The following VAPA variants were observed in gnomAD, a reference collection of about 807,000 sequenced individuals.
VAPA encodes the protein VAMP associated protein A.
Under a neutral mutation model 25.6 loss-of-function variants are expected in VAPA, and 6 were observed. That is an observed-to-expected ratio of 0.23 (90% CI 0.13 to 0.46). The LOEUF (loss-of-function observed/expected upper bound fraction) is 0.46, where lower values mean the gene tolerates loss of function less well. Among genes scored for constraint, VAPA ranks in the 20% least tolerant of loss-of-function variants. The pLI is 0.99. For synonymous variants in VAPA, 112 were observed against 106.2 expected, an observed-to-expected ratio of 1.05 and a Z score of -0.34; for missense variants, 244 against 302.1, an observed-to-expected ratio of 0.81 and a Z score of 1.43.
intron 5 of VAPA, among the ~76,000 whole-genome samples, chr18:9,952,669 C>G (rs951986912): frequency 6.6e-6 from 1 of 152,066 alleles, no homozygotes; most frequent in East Asian, 1.9e-4. Flanking sequence ...CTTTCTTGCT[C>G]CTGTCTGTTC....
At chr18:9,916,122 C>G (rs1346456519) in intron 1 of VAPA, among the ~76,000 whole-genome samples, 2 of 152,102 alleles carry the variant, frequency 1.3e-5, no homozygotes, top group African/African-American at 4.8e-5. Flanking sequence ...GAAATGTCCA[C>G]AGAGTTTGAA....
At chr18:9,936,742 GAAGA>G in intron 3 of VAPA, 1 of 293,898 alleles carries the variant, frequency 3.4e-6, no homozygotes, top group Non-Finnish European at 6.0e-6. Flanking sequence ...GAAATGCTAA[GAAGA>G]AAGTCCTATG....
chr18:9,939,013 AAG>A (rs937500368), intron 4 of VAPA, among the ~76,000 whole-genome samples: 15 of 152,160 alleles, frequency 9.9e-5, no homozygotes, highest in Admixed American at 9.8e-4. Context: ...AAAGAGATAA[AAG>A]AGTTTTAATG....
Position 9,954,506 on chromosome 18 carries a change from TAA to T in VAPA, c.*296_*297del, listed in dbSNP as rs1373232788. On this transcript the variant is annotated 3_prime_UTR_variant, in exon 6 of 6. Coordinates refer to ENST00000400000, the MANE Select transcript of VAPA (RefSeq NM_194434.3). The stretch of plus-strand genomic sequence containing the variant: ...AATTGTTCTTTCTTTGTGGTTTTAA[TAA>T]GAGTTCAAGAATTGTTCAGAGTCTT... 1.1e-4 allele frequency: 28 copies of T among 264,268 alleles called. No homozygotes were observed. Among genetic ancestry groups the T allele is most frequent in the Non-Finnish European group, 1.8e-4 (26 of 142,586 alleles). The allele number at this position is 264,268 out of a possible 1,614,324, so 16.4% of individuals were successfully genotyped here. A position where few individuals can be genotyped will look rare whatever the true frequency, so the allele number is the denominator to read the frequency against.
At chr18:9,946,875 A>G (rs1282770280) in intron 4 of VAPA, among the ~76,000 whole-genome samples, 1 of 152,244 alleles carries the variant, frequency 6.6e-6, no homozygotes, top group Non-Finnish European at 1.5e-5. Context: ...GCACAAGCAC[A>G]GTGTATAGAT....
At chr18:9,946,258 C>A (rs536919347) in intron 4 of VAPA, among the ~76,000 whole-genome samples, 1 of 152,138 alleles carries the variant, frequency 6.6e-6, no homozygotes, top group African/African-American at 2.4e-5. Context: ...AGTGTACTTA[C>A]AAAAACCTAT....
chr18:9,940,753 C>G (rs2069359056), intron 4 of VAPA, among the ~76,000 whole-genome samples: 2 of 152,066 alleles, frequency 1.3e-5, no homozygotes, highest in Non-Finnish European at 2.9e-5. Context: ...CTGGCCTCGT[C>G]ATTATGATTT....
intron 4 of VAPA, chr18:9,944,858 C>T: frequency 1.3e-6 from 2 of 1,556,160 alleles, no homozygotes; most frequent in Non-Finnish European, 1.7e-6. Flanking sequence ...CAGTCATTCC[C>T]AATATCATGC....
chr18:9,926,005 A>G (rs555954276), intron 1 of VAPA, among the ~76,000 whole-genome samples: 7 of 152,210 alleles, frequency 4.6e-5, no homozygotes, highest in African/African-American at 1.4e-4. Context: ...TTTGAGTTAT[A>G]TGACCTTGGA....
rs2069564267 is a variant in VAPA, at chr18:9,957,597, T to C, written c.*3386T>C. The C allele has an allele frequency of 6.6e-6, 1 of 152,198 alleles. No homozygotes were observed. Among genetic ancestry groups the C allele is most frequent in the African/African-American group, 2.4e-5 (1 of 41,446 alleles). 9.4% of individuals were successfully genotyped at this position (152,198 alleles called of 1,614,324 possible). A position where few individuals can be genotyped will look rare whatever the true frequency, so the allele number is the denominator to read the frequency against. The stretch of plus-strand genomic sequence containing the variant: ...TATTCGAGGGAAGGATCAATGCTTA[T>C]TACCATTTGGAAAAACGAAGATCAG... On this transcript the variant is annotated 3_prime_UTR_variant, in exon 6 of 6. Coordinates refer to ENST00000400000, the MANE Select transcript of VAPA (RefSeq NM_194434.3).
chr18:9,949,658 T>C (rs914680021), intron 4 of VAPA: 1 of 152,208 alleles, frequency 6.6e-6, no homozygotes, highest in Non-Finnish European at 1.5e-5. Context: ...CTACGATGTG[T>C]GGTGACATAA....
chr18:9,954,377 A>G lies in VAPA; in HGVS notation c.*166A>G, dbSNP rs1237004883. The G allele has an allele frequency of 4.9e-6, 3 of 606,514 alleles. No individual in the cohort carries two copies. The highest frequency in any genetic ancestry group is 8.5e-6 in the Non-Finnish European group (3 of 354,762). 37.6% of individuals were successfully genotyped at this position (606,514 alleles called of 1,614,324 possible). A position where few individuals can be genotyped will look rare whatever the true frequency, so the allele number is the denominator to read the frequency against. On this transcript the variant is annotated 3_prime_UTR_variant, in exon 6 of 6. Coordinates refer to ENST00000400000, the MANE Select transcript of VAPA (RefSeq NM_194434.3). ...ATGATCTCTTACGGTTAGAAAACAC[A>G]ATAAAAACAAACTGTTCGGCTACTG...
intron 4 of VAPA, among the ~76,000 whole-genome samples, chr18:9,946,261 A>G (rs1459345929): frequency 6.6e-6 from 1 of 152,174 alleles, no homozygotes; most frequent in Non-Finnish European, 1.5e-5. Context: ...GTACTTACAA[A>G]AACCTATATA....
Position 9,959,579 on chromosome 18 carries a change from G to A in VAPA, c.*5368G>A, listed in dbSNP as rs1473035957. ...ATTAAAGCAAGAGTTTTTTATAATT[G>A]ACTTTGTGGTCTAAATTCTTGATAC... On this transcript the variant is annotated 3_prime_UTR_variant, in exon 6 of 6. Coordinates refer to ENST00000400000, the MANE Select transcript of VAPA (RefSeq NM_194434.3). 6.6e-6 allele frequency: 1 copy of A among 151,954 alleles called. No homozygotes were observed. Among genetic ancestry groups the A allele is most frequent in the African/African-American group, 2.4e-5 (1 of 41,376 alleles). The allele number at this position is 151,954 out of a possible 1,614,324, so 9.4% of individuals were successfully genotyped here. A position where few individuals can be genotyped will look rare whatever the true frequency, so the allele number is the denominator to read the frequency against.
intron 1 of VAPA, among the ~76,000 whole-genome samples, chr18:9,921,330 T>C (rs2069155131): frequency 6.6e-6 from 1 of 152,224 alleles, no homozygotes; most frequent in Non-Finnish European, 1.5e-5. Flanking sequence ...TTTGTGTTTT[T>C]TTCATTTGTA....
chr18:9,915,154 G>A (rs144088417), intron 1 of VAPA: 1 of 152,298 alleles, frequency 6.6e-6, no homozygotes, highest in South Asian at 2.1e-4. Context: ...CGACATTTCA[G>A]TGTGCCACCC....
chr18:9,925,496 A>G (rs927532540), intron 1 of VAPA, among the ~76,000 whole-genome samples: 2 of 152,076 alleles, frequency 1.3e-5, no homozygotes, highest in Non-Finnish European at 2.9e-5. Context: ...CCCAGAAAGT[A>G]TTACTCTATT....
intron 4 of VAPA, among the ~76,000 whole-genome samples, chr18:9,947,178 C>T (rs1314493589): frequency 3.3e-5 from 5 of 150,914 alleles, no homozygotes; most frequent in African/African-American, 1.2e-4. Flanking sequence ...TTTTTGTTTT[C>T]GTAAGTAGAA....
At position 9,957,016 on chromosome 18, in the gene VAPA, G is replaced by A. The variant is rs891419291; in HGVS notation, c.*2805G>A. 1 of 150,170 alleles carries A rather than the reference G, an allele frequency of 6.7e-6. No homozygotes were observed. Among genetic ancestry groups the A allele is most frequent in the Non-Finnish European group, 1.5e-5 (1 of 67,508 alleles). The allele number at this position is 150,170 out of a possible 1,614,324, so 9.3% of individuals were successfully genotyped here. On this transcript the variant is annotated 3_prime_UTR_variant, in exon 6 of 6. Coordinates refer to ENST00000400000, the MANE Select transcript of VAPA (RefSeq NM_194434.3). ...AAAATGTATGAAATTCAGAAATTCC[G>A]ATCAAAGAAAAGTAATTCTTTCTTT...
Sources: allele counts gnomAD v4.1 joint callset (sites outside exome capture counted in the v4.1 genomes callset), GRCh38; gene constraint gnomAD v4.1.1; transcripts MANE v1.5; gene names NCBI Gene and HGNC (gene_info 2026-07-23, HGNC 2026-07-21).